CYP46A1: variants seen among roughly 807,000 people sequenced by gnomAD.
CYP46A1 encodes cytochrome P450 family 46 subfamily A member 1.
CYP46A1 carries 20 observed loss-of-function variants against 63.3 expected under a neutral mutation model. That is an observed-to-expected ratio of 0.32 (90% confidence interval 0.22 to 0.46). CYP46A1 has a LOEUF of 0.46. CYP46A1 is among the 20% of genes least tolerant of loss of function. The probability of loss-of-function intolerance (pLI) is 1.00; values close to 1 mark genes in which losing one functional copy is unlikely to be tolerated. For synonymous variants in CYP46A1, 268 were observed against 273.6 expected (o/e 0.98, Z 0.20); for missense variants, 445 against 670.8 (o/e 0.66, Z 3.72).
In CYP46A1 at chr14:99,715,895, G is replaced by A. The variant is rs752278427; in HGVS notation, c.779G>A (p.Arg260His). ...CAGGTGGGCAGGGACTGGGTCCAGC[G>A]CCGCCGGGAAGCCCTGAAGAGGGGC... ...LRQVGRDWVQ[R>H]RREALKRGEE... The change falls in exon 8 of 15, where the codon CGC (arginine) becomes CAC (histidine). Residue 260 changes from arginine (R) to histidine (H), a missense_variant. By Grantham distance (29) the Arg-to-His change is conservative (BLOSUM62 0). Transcript: ENST00000261835. 4.3e-6 allele frequency: 7 copies of A among 1,613,644 alleles called. No homozygotes were observed. The highest frequency in any genetic ancestry group is 2.2e-5 in the South Asian group (2 of 91,020).
Position 99,684,398 on chromosome 14 carries a change from G to C in CYP46A1, c.-20G>C, listed in dbSNP as rs1237732202. 2.8e-6 allele frequency: 4 copies of C among 1,427,186 alleles called. No homozygotes were observed. The highest frequency in any genetic ancestry group is 3.2e-5 in the East Asian group (1 of 31,194). The allele number at this position is 1,427,186 out of a possible 1,614,324, so 88.4% of individuals were successfully genotyped here. ...CGGCGCCCGGCCCGACCCTGGCCTG[G>C]CCTGCCCTGCCCCGGAGCCATGAGC... is the stretch of plus-strand genomic sequence containing the variant. On this transcript the variant is annotated 5_prime_UTR_variant, in exon 1 of 15. Transcript: ENST00000261835.
At chr14:99,704,250 ATATTTT>A (rs1566829685) in intron 5 of CYP46A1, among the ~76,000 whole-genome samples, 2 of 152,304 alleles carry the variant, frequency 1.3e-5, no homozygotes, top group East Asian at 3.9e-4. Context: ...CCATCACCAG[ATATTTT>A]TATTTTTTAA....
intron 8 of CYP46A1, 77 bp from the exon 9 acceptor site, chr14:99,716,058 AAC>A: frequency 6.2e-7 from 1 of 1,611,702 alleles, no homozygotes; most frequent in South Asian, 1.1e-5. Flanking sequence ...TAAGAGGAGA[AAC>A]ACAGTTAGTT....
intron 1 of CYP46A1, among the ~76,000 whole-genome samples, chr14:99,686,304 C>A (rs1329525877): frequency 6.6e-6 from 1 of 152,166 alleles, no homozygotes; most frequent in African/African-American, 2.4e-5. Flanking sequence ...CTGTTCTGGT[C>A]TCTGTGTCTT....
intron 6 of CYP46A1, among the ~76,000 whole-genome samples, chr14:99,707,158 A>G (rs2056684511): frequency 6.6e-6 from 1 of 152,128 alleles, no homozygotes; most frequent in Admixed American, 6.5e-5. Context: ...GGGCCCAGTA[A>G]CCCCAAACCC....
At position 99,726,868 on chromosome 14, in the gene CYP46A1, C is replaced by T. The variant is rs190228579; in HGVS notation, c.*141C>T. 14 of 661,204 alleles carry T rather than the reference C, an allele frequency of 2.1e-5. No homozygotes were observed. Among genetic ancestry groups the T allele is most frequent in the Admixed American group, 3.3e-5 (1 of 29,880 alleles). 41.0% of individuals were successfully genotyped at this position (661,204 alleles called of 1,614,324 possible). A position where few individuals can be genotyped will look rare whatever the true frequency, so the allele number is the denominator to read the frequency against. Reference sequence around the variant, plus strand: ...GGCTTCCAGCGGGCCCTCTGCCGACCGCCTGCTTCACACCCCTCAGCGCTC... The same window carrying T: ...GGCTTCCAGCGGGCCCTCTGCCGACTGCCTGCTTCACACCCCTCAGCGCTC... On this transcript the variant is annotated 3_prime_UTR_variant, in exon 15 of 15. Transcript: ENST00000261835.
chr14:99,722,840 A>G lies in CYP46A1; in HGVS notation c.1176+774A>G, dbSNP rs978525388. ...TTTGAGAGGTGTCCAGTTTGTCCCTATCTCGAGCACCACAGCAACGATGCC... is the reference window on the plus strand; with the variant it reads ...TTTGAGAGGTGTCCAGTTTGTCCCTGTCTCGAGCACCACAGCAACGATGCC... On this transcript the variant is annotated intron_variant, in intron 12 of 14. Coordinates refer to ENST00000261835, the MANE Select transcript of CYP46A1 (RefSeq NM_006668.2). The surrounding 1 kb of genome is among the most constrained non-coding windows in gnomAD (Gnocchi z 4.6). 1.5e-4 allele frequency: 66 copies of G among 434,932 alleles called. No homozygotes were observed. The highest frequency in any genetic ancestry group is 2.7e-4 in the Non-Finnish European group (57 of 211,330). The allele number at this position is 434,932 out of a possible 1,614,324, so 26.9% of individuals were successfully genotyped here.
At position 99,726,582 on chromosome 14, in the gene CYP46A1, A is replaced by G. The variant is rs2056900952; in HGVS notation, c.1358A>G (p.Lys453Arg). 1 of 1,593,082 alleles carries G rather than the reference A, an allele frequency of 6.3e-7. No homozygotes were observed. The highest frequency in any genetic ancestry group is 8.5e-7 in the Non-Finnish European group (1 of 1,171,442). ...AQMEVKVVMA[K>R]LLQRLEFRLV... ...ATGGAGGTGAAGGTGGTCATGGCAA[A>G]GCTGCTGCAGAGGCTGGAGTTCCGG... is the stretch of plus-strand genomic sequence containing the variant. Residue 453 changes from lysine (K) to arginine (R), a missense_variant, in exon 15 of 15, where the codon AAG becomes AGG. By Grantham distance (26) the Lys-to-Arg change is conservative. Around this residue, in one of 4 missense-constraint regions of CYP46A1, gnomAD observed 85 missense variants for 80.1 expected, o/e 1.06. Transcript: ENST00000261835.
chr14:99,725,287 G>A lies in CYP46A1; in HGVS notation c.1177-104G>A. On this transcript the variant is annotated intron_variant, in intron 12 of 14. Coordinates refer to ENST00000261835, the MANE Select transcript of CYP46A1 (RefSeq NM_006668.2). This position sits in a 1 kb window ranked among gnomAD's most constrained non-coding sequence, Gnocchi z 4.2. ...GTGAAGACATGGGGGGAGGAGAGTGGGACCCACTCTGCTCTGAGTAGCCCT... is the reference window on the plus strand; with the variant it reads ...GTGAAGACATGGGGGGAGGAGAGTGAGACCCACTCTGCTCTGAGTAGCCCT... 1 of 823,440 alleles carries A rather than the reference G, an allele frequency of 1.2e-6. No homozygotes were observed. Among genetic ancestry groups the A allele is most frequent in the Non-Finnish European group, 2.1e-6 (1 of 484,074 alleles). The allele number at this position is 823,440 out of a possible 1,614,324, so 51.0% of individuals were successfully genotyped here.
intron 11 of CYP46A1, among the ~76,000 whole-genome samples, chr14:99,721,736 A>T (rs921516978): frequency 6.6e-6 from 1 of 151,916 alleles, no homozygotes; most frequent in Admixed American, 6.5e-5. Context: ...CAGCTCTGCC[A>T]TTGTGGCCTT....
intron 11 of CYP46A1, 35 bp from the exon 12 acceptor site, chr14:99,721,921 A>T (rs1566836621): frequency 6.4e-7 from 1 of 1,566,100 alleles, no homozygotes; most frequent in South Asian, 1.1e-5. Flanking sequence ...GCCTCTCCCG[A>T]CTCTCCTTGT....
chr14:99,685,095 C>G (rs1482324691), intron 1 of CYP46A1, among the ~76,000 whole-genome samples: 6 of 47,506 alleles, frequency 1.3e-4, no homozygotes, highest in Admixed American at 5.0e-4. Context: ...CCAACCCCCC[C>G]CCACCCCCAG....
chr14:99,685,600 A>G (rs2056487281), intron 1 of CYP46A1, among the ~76,000 whole-genome samples: 1 of 152,008 alleles, frequency 6.6e-6, no homozygotes, highest in African/African-American at 2.4e-5. Flanking sequence ...GCAGATCTCA[A>G]TAAATATTTG....
chr14:99,688,680 C>T (rs777483634), intron 1 of CYP46A1, among the ~76,000 whole-genome samples: 22 of 152,208 alleles, frequency 1.4e-4, no homozygotes, highest in Non-Finnish European at 2.8e-4. Context: ...TTCACCCTCT[C>T]GTTCCCTGTA....
rs2056470204 is a variant in CYP46A1 at position 99,684,350 on chromosome 14, G to T, written c.-68G>T. On this transcript the variant is annotated 5_prime_UTR_variant, in exon 1 of 15. Transcript: ENST00000261835. ...GGCGCGCGGCGCTGACAGCTGAGTCGGCTCGCGGCCTCCCGGCCCCCTCGG... is the reference window on the plus strand; with the variant it reads ...GGCGCGCGGCGCTGACAGCTGAGTCTGCTCGCGGCCTCCCGGCCCCCTCGG... The T allele has an allele frequency of 3.0e-6, 3 of 1,005,450 alleles. No homozygotes were observed. The highest frequency in any genetic ancestry group is 2.5e-6 in the Non-Finnish European group (2 of 786,110). The allele number at this position is 1,005,450 out of a possible 1,614,324, so 62.3% of individuals were successfully genotyped here. A position where few individuals can be genotyped will look rare whatever the true frequency, so the allele number is the denominator to read the frequency against.
chr14:99,713,104 CT>C (rs559853565), intron 7 of CYP46A1: 1 of 152,148 alleles, frequency 6.6e-6, no homozygotes, highest in East Asian at 1.9e-4. Flanking sequence ...AACCATACCC[CT>C]GTCTCTCACC....
intron 3 of CYP46A1, among the ~76,000 whole-genome samples, chr14:99,693,929 G>T (rs2056564303): frequency 1.3e-5 from 2 of 152,050 alleles, no homozygotes; most frequent in African/African-American, 4.8e-5. Flanking sequence ...TCCATCTCCA[G>T]AACTTTTTCA....
rs1222841621 is a variant in CYP46A1 at position 99,716,208 on chromosome 14, C to T, written c.907+9C>T. On this transcript the variant is annotated intron_variant, in intron 9 of 14. Transcript: ENST00000261835. Reference sequence around the variant, plus strand: ...CACCTTCTTCATTGCTGGTTTGTAGCTTTGGCGGTGGCCAAGGGCCCGGAG... The same window carrying T: ...CACCTTCTTCATTGCTGGTTTGTAGTTTTGGCGGTGGCCAAGGGCCCGGAG... 22 of 1,614,062 alleles carry T rather than the reference C, an allele frequency of 1.4e-5. No individual in the cohort carries two copies. The highest frequency in any genetic ancestry group is 1.7e-5 in the Non-Finnish European group (20 of 1,179,994).
intron 5 of CYP46A1, among the ~76,000 whole-genome samples, chr14:99,704,516 C>T (rs1416217216): frequency 6.6e-6 from 1 of 152,116 alleles, no homozygotes; most frequent in African/African-American, 2.4e-5. Flanking sequence ...TTCTACTTTT[C>T]CAGATTTTGG....
Sources: allele counts gnomAD v4.1 joint callset (sites outside exome capture counted in the v4.1 genomes callset), GRCh38; gene constraint gnomAD v4.1.1; regional missense constraint gnomAD v4.1.1; non-coding constraint Gnocchi (gnomAD v3.1); transcripts MANE v1.5; gene names NCBI Gene and HGNC (gene_info 2026-07-23, HGNC 2026-07-21).